Variants in RPL4 observed in about 807,000 individuals in gnomAD.
RPL4 encodes the protein ribosomal protein L4, also known as large ribosomal subunit protein uL4.
A neutral mutation model predicts 47.7 loss-of-function variants in RPL4; 3 were observed. That is an observed-to-expected ratio of 0.06 (90% CI 0.03 to 0.16). The LOEUF (loss-of-function observed/expected upper bound fraction) is 0.16. RPL4 is among the 10% of genes least tolerant of loss of function. RPL4 has a pLI of 1.00. For missense variants in RPL4, 413 were observed against 551.3 expected (o/e 0.75, Z 2.51); for synonymous variants, 208 against 182.1 (o/e 1.14, Z -1.15).
chr15:66,504,638 C>T (rs1184884026), intron 1 of RPL4, 150 bp downstream of exon 1: 2 of 1,134,710 alleles, frequency 1.8e-6, no homozygotes, highest in Non-Finnish European at 2.5e-6. Context: ...TATCGCCGCA[C>T]ATCCCAGTTC....
chr15:66,502,876 G>C lies in RPL4; in HGVS notation c.283-126C>G, dbSNP rs369619486. ...ACTGACAGCAGGCAACTGTCGCTGA[G>C]AACAGAGTAAGACGCAAATTACGAC... is the stretch of plus-strand genomic sequence containing the variant. On this transcript the variant is annotated intron_variant, in intron 3 of 9. Coordinates refer to ENST00000307961, the MANE Select transcript of RPL4 (RefSeq NM_000968.4). 9.5e-6 allele frequency: 14 copies of C among 1,474,796 alleles called. No homozygotes were observed. The African/African-American group carries it at 9.7e-5, about 10-fold the overall frequency. 91.4% of individuals were successfully genotyped at this position (1,474,796 alleles called of 1,614,324 possible).
Position 66,501,416 on chromosome 15 carries a change from T to G in RPL4, c.635A>C (p.Asn212Thr). The G allele has an allele frequency of 6.2e-7, 1 of 1,614,134 alleles. No individual in the cohort carries two copies. The highest frequency in any genetic ancestry group is 8.5e-7 in the Non-Finnish European group (1 of 1,180,020). Reference sequence around the variant, plus strand: ...GGCCTTGATGATACCATTATCCTCATTATAGATGATGCACGGGCCCCTGCG... The same window carrying G: ...GGCCTTGATGATACCATTATCCTCAGTATAGATGATGCACGGGCCCCTGCG... Reference protein sequence around the residue: ...IQRRGPCIIYNEDNGIIKAFR... With the variant: ...IQRRGPCIIYTEDNGIIKAFR... Residue 212 changes from asparagine to threonine, a missense_variant, in exon 6 of 10, where the codon AAT becomes ACT. Physicochemically the swap from Asn to Thr is moderately conservative, Grantham distance 65. This residue lies in a region of RPL4 where 214 missense variants were observed against 304.2 expected (regional missense o/e 0.70). Coordinates refer to ENST00000307961, the MANE Select transcript of RPL4 (RefSeq NM_000968.4).
intron 1 of RPL4, among the ~76,000 whole-genome samples, chr15:66,504,212 T>C (rs1004664838): frequency 6.6e-6 from 1 of 152,176 alleles, no homozygotes; most frequent in African/African-American, 2.4e-5. Flanking sequence ...ATTCCCTATG[T>C]TTTCATCTCT....
At position 66,503,625 on chromosome 15, in the gene RPL4, A is replaced by G. The variant is rs1349759412; in HGVS notation, c.4-96T>C. 3.0e-6 allele frequency: 4 copies of G among 1,332,818 alleles called. No homozygotes were observed. In the African/African-American group the frequency reaches 5.9e-5, roughly 20 times the overall value. The allele number at this position is 1,332,818 out of a possible 1,614,324, so 82.6% of individuals were successfully genotyped here. On this transcript the variant is annotated intron_variant, in intron 1 of 9. Coordinates refer to ENST00000307961, the MANE Select transcript of RPL4 (RefSeq NM_000968.4). ...AATACCATTAAATACTCAATTGCAG[A>G]AGAGACTGGTATGGTGAGGCAAACA...
chr15:66,501,785 G>A lies in RPL4; in HGVS notation c.546+3C>T. Reference sequence around the variant, plus strand: ...AAACTGTAAATGTGCTCATTGAACGGACCTTTTTGATATCATTCCAGGCTT... The same window carrying A: ...AAACTGTAAATGTGCTCATTGAACGAACCTTTTTGATATCATTCCAGGCTT... On this transcript the variant is annotated splice_donor_region_variant and intron_variant, in intron 5 of 9. Coordinates refer to ENST00000307961, the MANE Select transcript of RPL4 (RefSeq NM_000968.4). The A allele has an allele frequency of 6.2e-7, 1 of 1,608,220 alleles. No homozygotes were observed. Among genetic ancestry groups the A allele is most frequent in the Non-Finnish European group, 8.5e-7 (1 of 1,178,842 alleles).
rs755648741 is a variant in RPL4 at position 66,501,312 on chromosome 15, A to C, written c.676+63T>G. Reference sequence around the variant, plus strand: ...CACGGACCTTAAGTGGAATCTCATCATAACAAAAGCTGAGTAGACTTGCAG... The same window carrying C: ...CACGGACCTTAAGTGGAATCTCATCCTAACAAAAGCTGAGTAGACTTGCAG... On this transcript the variant is annotated intron_variant, in intron 6 of 9. Transcript: ENST00000307961. 2.5e-6 allele frequency: 4 copies of C among 1,609,424 alleles called. No homozygotes were observed. The South Asian group carries it at 3.3e-5, about 13-fold the overall frequency.
chr15:66,502,151 G>A (rs1893631935), intron 4 of RPL4: 1 of 646,184 alleles, frequency 1.5e-6, no homozygotes, highest in African/African-American at 1.8e-5. Context: ...AGTTTTCTAA[G>A]GATATACTAA....
intron 7 of RPL4, 102 bp downstream of exon 7, chr15:66,500,847 C>G (rs1893596057): frequency 7.1e-7 from 1 of 1,400,160 alleles, no homozygotes; most frequent in Admixed American, 2.2e-5. Flanking sequence ...TGTTGCTGCA[C>G]ATAAGGGGAA....
chr15:66,502,141 A>G (rs1211305354), intron 4 of RPL4: 2 of 671,910 alleles, frequency 3.0e-6, no homozygotes, highest in Non-Finnish European at 5.4e-6. Flanking sequence ...TTAAGTTGGA[A>G]GTTTTCTAAG....
At position 66,502,631 on chromosome 15, in the gene RPL4, T is replaced by G. The variant is rs995474149; in HGVS notation, c.402A>C (p.Pro134=). 56 of 1,612,686 alleles carry G rather than the reference T, an allele frequency of 3.5e-5. No homozygotes were observed. Among genetic ancestry groups the G allele is most frequent in the Non-Finnish European group, 4.3e-5 (51 of 1,179,876 alleles). ...ACAAACCTTTAGACATGACCAGTGC[T>G]GGTAGGGCTGAGGCAGCCAGGGCAG... is the stretch of plus-strand genomic sequence containing the variant. ...ICSALAASAL[P]ALVMSKGHRI... The change falls in exon 4 of 10, where the codon CCA becomes CCC. Residue 134 remains proline, a synonymous_variant. Coordinates refer to ENST00000307961, the MANE Select transcript of RPL4 (RefSeq NM_000968.4).
chr15:66,501,568 T>C, intron 5 of RPL4, 64 bp from the exon 6 acceptor site: 2 of 1,596,394 alleles, frequency 1.3e-6, no homozygotes, highest in East Asian at 2.2e-5. Context: ...TCTTCAGAGT[T>C]TTAATTCCTT....
chr15:66,500,935 T>G lies in RPL4; in HGVS notation c.833+14A>C, dbSNP rs1328713840. 6.2e-7 allele frequency: 1 copy of G among 1,612,434 alleles called. No individual in the cohort carries two copies. The highest frequency in any genetic ancestry group is 8.5e-7 in the Non-Finnish European group (1 of 1,179,438). ...AATATAAACATCTGTGCTTAGTATA[T>G]GAAAGATACTTACTTGTAGTTACTC... On this transcript the variant is annotated intron_variant, in intron 7 of 9. Transcript: ENST00000307961.
chr15:66,499,309 AC>A lies in RPL4; in HGVS notation c.*97del, dbSNP rs1468135123. 4 of 1,453,434 alleles carry A rather than the reference AC, an allele frequency of 2.8e-6. No individual in the cohort carries two copies. The highest frequency in any genetic ancestry group is 3.7e-6 in the Non-Finnish European group (4 of 1,080,210). The allele number at this position is 1,453,434 out of a possible 1,614,324, so 90.0% of individuals were successfully genotyped here. A position where few individuals can be genotyped will look rare whatever the true frequency, so the allele number is the denominator to read the frequency against. On this transcript the variant is annotated 3_prime_UTR_variant, in exon 10 of 10. Coordinates refer to ENST00000307961, the MANE Select transcript of RPL4 (RefSeq NM_000968.4). ...ATTCTAACCAAGCTTTACAGAGCAC[AC>A]CAAGTCATGTTTCTCACTGCCTGTA... is the stretch of plus-strand genomic sequence containing the variant.
intron 6 of RPL4, 49 bp downstream of exon 6, chr15:66,501,326 G>A: frequency 2.5e-6 from 4 of 1,612,530 alleles, no homozygotes; most frequent in Non-Finnish European, 2.5e-6. Context: ...CAAAAGCTGA[G>A]TAGACTTGCA....
chr15:66,499,836 A>G (rs1035518686), intron 9 of RPL4, 184 bp from the exon 10 acceptor site: 4 of 926,516 alleles, frequency 4.3e-6, no homozygotes, highest in Non-Finnish European at 6.3e-6. Context: ...CCAGCCTAAC[A>G]ATATAGTGAC....
rs112184972 is a variant in RPL4, at chr15:66,504,326, A to G, written c.3+462T>C. 2.2e-3 allele frequency among the ~76,000 whole-genome samples: 328 copies of G among 152,350 alleles called. 3 individuals carry two copies. The highest frequency in any genetic ancestry group is 7.4e-3 in the African/African-American group (306 of 41,580). ...TAACTCCCCCGGCACACAACACTAC[A>G]TAGTATATACGAACACTATTTGTGG... On this transcript the variant is annotated intron_variant, in intron 1 of 9. Coordinates refer to ENST00000307961, the MANE Select transcript of RPL4 (RefSeq NM_000968.4).
intron 3 of RPL4, 101 bp downstream of exon 3, chr15:66,502,957 A>C (rs567657102): frequency 7.3e-7 from 1 of 1,365,088 alleles, no homozygotes; most frequent in Admixed American, 1.7e-5. Context: ...TCAAGACAAA[A>C]AAAAGTAATA....
At chr15:66,503,864 C>T (rs983711178) in intron 1 of RPL4, among the ~76,000 whole-genome samples, 29 of 152,120 alleles carry the variant, frequency 1.9e-4, no homozygotes, top group South Asian at 6.2e-4. Context: ...TCTACTCATC[C>T]CAACTTCCAT....
At position 66,503,048 on chromosome 15, in the gene RPL4, C is replaced by G. The variant is rs1383825458; in HGVS notation, c.282+10G>C. 1.9e-6 allele frequency: 3 copies of G among 1,609,852 alleles called. No individual in the cohort carries two copies. In the Admixed American group the frequency reaches 5.0e-5, roughly 27 times the overall value. ...AGATGACCAGTCTTAGGTAGTGAAACAAAGGATACGTTTCCAAAAGCACCC... is the reference window on the plus strand; with the variant it reads ...AGATGACCAGTCTTAGGTAGTGAAAGAAAGGATACGTTTCCAAAAGCACCC... On this transcript the variant is annotated intron_variant, in intron 3 of 9. Coordinates refer to ENST00000307961, the MANE Select transcript of RPL4 (RefSeq NM_000968.4).
Sources: gnomAD v4.1 joint callset for allele counts (sites outside exome capture counted in the v4.1 genomes callset) on GRCh38, gnomAD v4.1.1 for gene constraint, gnomAD v4.1.1 regional missense constraint, MANE v1.5 for transcripts, NCBI Gene and HGNC (gene_info 2026-07-23, HGNC 2026-07-21) for gene names.